Variants in ACOT1 observed in about 807,000 individuals in gnomAD.
ACOT1 encodes acyl-coenzyme A thioesterase 1.
ACOT1 carries 8 observed loss-of-function variants against 15.7 expected under a neutral mutation model. That is an observed-to-expected ratio of 0.51 (90% CI 0.30 to 0.92). The LOEUF (loss-of-function observed/expected upper bound fraction) is 0.92, where lower values mean the gene tolerates loss of function less well. Ranked by LOEUF, ACOT1 falls within the 40% of genes least tolerant of loss-of-function variation. The probability of loss-of-function intolerance (pLI) is 0.06; values close to 1 mark genes in which losing one functional copy is unlikely to be tolerated. For synonymous variants in ACOT1, 67 were observed against 241.2 expected (o/e 0.28, Z 6.69); for missense variants, 151 against 539.4 (o/e 0.28, Z 7.13).
chr14:73,537,706 G>C lies in ACOT1; in HGVS notation c.285G>C (p.Lys95Asn). 3.2e-6 allele frequency: 4 copies of C among 1,245,786 alleles called. 1 individual carries two copies. Among genetic ancestry groups the C allele is most frequent in the Non-Finnish European group, 4.3e-6 (4 of 939,572 alleles). 77.2% of individuals were successfully genotyped at this position (1,245,786 alleles called of 1,614,324 possible). The change falls in exon 1 of 3, where the codon AAG (lysine) becomes AAC (asparagine). Residue 95 changes from lysine (K) to asparagine (N), a missense_variant. Physicochemically the swap from Lys to Asn is moderately conservative, Grantham distance 94. Coordinates refer to ENST00000311148, the MANE Select transcript of ACOT1 (RefSeq NM_001037161.2). ...EPEKPLVRLV[K>N]RDVRTPLAVE... ...AGAAACCCTTGGTGCGGCTGGTGAA[G>C]CGCGACGTGCGAACGCCCTTGGCCG...
the ACOT1 span, chr14:73,491,070 G>A: frequency 6.3e-7 from 1 of 1,594,696 alleles, no homozygotes; most frequent in Non-Finnish European, 8.5e-7. Flanking sequence ...CGGCCGAAGC[G>A]CCGGCGCAAG....
At chr14:73,513,016 A>C in the ACOT1 span, among the ~76,000 whole-genome samples, 2 of 152,226 alleles carry the variant, frequency 1.3e-5, no homozygotes, top group Non-Finnish European at 2.9e-5. Flanking sequence ...TTGAAGGCAA[A>C]GTAGGTATAG....
chr14:73,522,155 A>G, the ACOT1 span: 1 of 1,056,856 alleles, frequency 9.5e-7, no homozygotes, highest in Non-Finnish European at 1.4e-6. Context: ...CCGGTGGTGG[A>G]GAACATGAAG....
At chr14:73,522,857 G>T in the ACOT1 span, 1 of 1,614,172 alleles carries the variant, frequency 6.2e-7, no homozygotes, top group Non-Finnish European at 8.5e-7. Flanking sequence ...GATGTCATTG[G>T]TATTGTAGAG....
At chr14:73,503,386 C>T in the ACOT1 span, among the ~76,000 whole-genome samples, 1 of 152,186 alleles carries the variant, frequency 6.6e-6, no homozygotes, top group African/African-American at 2.4e-5. Context: ...TGCAGTTTGC[C>T]TGGGACTCTC....
At chr14:73,513,755 A>AAAAAAAAAAT in the ACOT1 span, among the ~76,000 whole-genome samples, 1 of 148,656 alleles carries the variant, frequency 6.7e-6, no homozygotes. Context: ...AAAAAAAAAA[A>AAAAAAAAAAT]AATGGTCTCT....
chr14:73,501,364 A>G, the ACOT1 span, among the ~76,000 whole-genome samples: 6 of 151,968 alleles, frequency 3.9e-5, no homozygotes, highest in East Asian at 1.2e-3. Flanking sequence ...TGACCTCGTG[A>G]TCTGCCCGCC....
At chr14:73,492,095 T>C in the ACOT1 span, 1 of 1,613,902 alleles carries the variant, frequency 6.2e-7, no homozygotes, top group Non-Finnish European at 8.5e-7. The surrounding 1 kb of genome is among the most constrained non-coding windows in gnomAD (Gnocchi z 4.9). Flanking sequence ...CTGGCGTGTA[T>C]ACCGACCCCG....
chr14:73,521,132 T>A, the ACOT1 span: 22 of 1,088,140 alleles, frequency 2.0e-5, no homozygotes, highest in Non-Finnish European at 2.9e-5. Context: ...CTTTCCTCTT[T>A]AAGCTCAGCT....
chr14:73,510,592 C>T, the ACOT1 span, among the ~76,000 whole-genome samples: 4 of 152,206 alleles, frequency 2.6e-5, no homozygotes, highest in Admixed American at 6.5e-5. Flanking sequence ...CCTGTCACCA[C>T]GCCTGGCTAA....
the ACOT1 span, among the ~76,000 whole-genome samples, chr14:73,514,752 C>T: frequency 2.0e-5 from 3 of 152,136 alleles, no homozygotes; most frequent in Non-Finnish European, 2.9e-5. Context: ...CAGAAGAAGC[C>T]GTAAATATTA....
the ACOT1 span, chr14:73,509,451 CG>C: frequency 3.7e-6 from 6 of 1,613,986 alleles, no homozygotes; most frequent in Non-Finnish European, 5.1e-6. Flanking sequence ...GTAGAACCTC[CG>C]GCAAGTCCTG....
At chr14:73,499,541 T>C in the ACOT1 span, among the ~76,000 whole-genome samples, 1 of 152,036 alleles carries the variant, frequency 6.6e-6, no homozygotes, top group Non-Finnish European at 1.5e-5. Context: ...ACCACTTATC[T>C]CTAAAAGGAG....
the ACOT1 span, chr14:73,503,158 C>T: frequency 2.0e-5 from 13 of 659,816 alleles, no homozygotes; most frequent in Non-Finnish European, 3.5e-5. Flanking sequence ...CTTACTCTCC[C>T]AAAGAATCCA....
the ACOT1 span, chr14:73,509,488 G>A: frequency 6.2e-7 from 1 of 1,613,164 alleles, no homozygotes; most frequent in Non-Finnish European, 8.5e-7. Flanking sequence ...GATCAAAAGA[G>A]CCAGGTAAGA....
At chr14:73,521,352 G>T in the ACOT1 span, among the ~76,000 whole-genome samples, 13 of 152,062 alleles carry the variant, frequency 8.5e-5, no homozygotes, top group Non-Finnish European at 1.3e-4. Flanking sequence ...TCTTAGAGGC[G>T]GCATGGCCTT....
chr14:73,511,985 C>T, the ACOT1 span: 4 of 1,613,624 alleles, frequency 2.5e-6, no homozygotes, highest in South Asian at 1.1e-5. Flanking sequence ...TGTTCTCAAG[C>T]AGTTCAGCTT....
At chr14:73,523,020 T>C in the ACOT1 span, 1 of 1,614,216 alleles carries the variant, frequency 6.2e-7, no homozygotes, top group African/African-American at 1.3e-5. Flanking sequence ...ATAGGCACAC[T>C]GGAGACAGAG....
the ACOT1 span, among the ~76,000 whole-genome samples, chr14:73,494,840 T>G: frequency 6.6e-6 from 1 of 152,140 alleles, no homozygotes; most frequent in African/African-American, 2.4e-5. Context: ...AGAGTCCAGG[T>G]GTGCGCCACC....
Sources: gnomAD v4.1 joint callset for allele counts (sites outside exome capture counted in the v4.1 genomes callset) on GRCh38, gnomAD v4.1.1 for gene constraint, Gnocchi (gnomAD v3.1) non-coding constraint, MANE v1.5 for transcripts, NCBI Gene and HGNC (gene_info 2026-07-23, HGNC 2026-07-21) for gene names.